The following LRRC8B variants were observed in gnomAD, a reference collection of about 807,000 sequenced individuals.
LRRC8B encodes the protein leucine rich repeat containing 8 VRAC subunit B, also known as volume-regulated anion channel subunit LRRC8B.
A neutral mutation model predicts 58.8 loss-of-function variants in LRRC8B; 23 were observed. That is an observed-to-expected ratio of 0.39 (90% confidence interval 0.28 to 0.55). The LOEUF is 0.55. LRRC8B is among the 20% of genes least tolerant of loss of function. LRRC8B has a pLI of 0.62. For missense variants in LRRC8B, 694 were observed against 936.0 expected (o/e 0.74, Z 3.37); for synonymous variants, 359 against 374.1 (o/e 0.96, Z 0.47).
intron 1 of LRRC8B, among the ~76,000 whole-genome samples, chr1:89,556,373 A>G (rs958416169): frequency 5.3e-5 from 8 of 152,130 alleles, no homozygotes; most frequent in African/African-American, 1.9e-4. Context: ...AAGGTAAGTA[A>G]AGTGTTTTCC....
intron 1 of LRRC8B, among the ~76,000 whole-genome samples, chr1:89,563,310 G>A (rs932418639): frequency 4.0e-5 from 6 of 151,856 alleles, no homozygotes; most frequent in South Asian, 2.1e-4. Flanking sequence ...ATTTTAAGTC[G>A]TGACCCTCTG....
intron 1 of LRRC8B, among the ~76,000 whole-genome samples, chr1:89,546,221 T>C (rs2100869172): frequency 6.6e-6 from 1 of 152,300 alleles, no homozygotes; most frequent in East Asian, 1.9e-4. Flanking sequence ...TGTGAATGTA[T>C]GCTGTGGAGC....
intron 5 of LRRC8B, among the ~76,000 whole-genome samples, chr1:89,591,349 T>C (rs1654961719): frequency 6.6e-6 from 1 of 152,212 alleles, no homozygotes; most frequent in Non-Finnish European, 1.5e-5. Flanking sequence ...CAGAAGGGGT[T>C]GCCTTAGAAA....
intron 1 of LRRC8B, among the ~76,000 whole-genome samples, chr1:89,525,283 G>A (rs1036336211): frequency 6.6e-6 from 1 of 152,180 alleles, no homozygotes; most frequent in African/African-American, 2.4e-5. Flanking sequence ...GGGGTCATTT[G>A]GAGCAAGAGG....
rs1655303961 is a variant in LRRC8B at position 89,596,366 on chromosome 1, G to A, written c.*3323G>A. The A allele has an allele frequency of 6.6e-6, 1 of 152,030 alleles. No homozygotes were observed. Among genetic ancestry groups the A allele is most frequent in the Non-Finnish European group, 1.5e-5 (1 of 67,964 alleles). The allele number at this position is 152,030 out of a possible 1,614,324, so 9.4% of individuals were successfully genotyped here. ...TGTCACTTCACATTGTGTTAAACAG[G>A]GTAAATAGAGATCCTCAGTATCTCA... On this transcript the variant is annotated 3_prime_UTR_variant, in exon 6 of 6. Transcript: ENST00000330947.
chr1:89,555,531 A>G (rs575260627), intron 1 of LRRC8B, among the ~76,000 whole-genome samples: 1 of 152,356 alleles, frequency 6.6e-6, no homozygotes, highest in South Asian at 2.1e-4. Flanking sequence ...ATTGATAAGC[A>G]TGATACATGT....
chr1:89,545,709 G>A (rs1651348139), intron 1 of LRRC8B, among the ~76,000 whole-genome samples: 1 of 152,228 alleles, frequency 6.6e-6, no homozygotes, highest in South Asian at 2.1e-4. Context: ...CAATGACAGT[G>A]AGTGTTCAAC....
chr1:89,568,914 G>A (rs1653230634), intron 3 of LRRC8B, among the ~76,000 whole-genome samples: 1 of 152,132 alleles, frequency 6.6e-6, no homozygotes, highest in African/African-American at 2.4e-5. Flanking sequence ...CTTCTATTAA[G>A]TAAAAGATGG....
At chr1:89,571,251 T>C (rs775732997) in intron 3 of LRRC8B, among the ~76,000 whole-genome samples, 2 of 152,210 alleles carry the variant, frequency 1.3e-5, no homozygotes, top group Non-Finnish European at 2.9e-5. Context: ...CTGTGAAGAA[T>C]TTCAATGGTA....
At chr1:89,570,830 G>A (rs1340838978) in intron 3 of LRRC8B, among the ~76,000 whole-genome samples, 1 of 151,996 alleles carries the variant, frequency 6.6e-6, no homozygotes, top group Non-Finnish European at 1.5e-5. Context: ...TGTCTTCCAG[G>A]GTTTTTATAA....
intron 1 of LRRC8B, among the ~76,000 whole-genome samples, chr1:89,548,823 A>G (rs749365995): frequency 4.2e-4 from 64 of 152,294 alleles, no homozygotes; most frequent in Non-Finnish European, 1.6e-4. Context: ...AGTTTTTCCC[A>G]TGTTAATTCC....
chr1:89,592,640 A>G, intron 5 of LRRC8B, 131 bp from the exon 6 acceptor site: 2 of 748,722 alleles, frequency 2.7e-6, no homozygotes, highest in South Asian at 3.7e-5. Context: ...CAAATTTATC[A>G]TCATTGTAGT....
chr1:89,542,237 C>T (rs953321478), intron 1 of LRRC8B, among the ~76,000 whole-genome samples: 1 of 152,184 alleles, frequency 6.6e-6, no homozygotes, highest in Admixed American at 6.5e-5. Flanking sequence ...AGCTTTTGAG[C>T]TCTCTGGCTC....
At chr1:89,541,697 G>T (rs566731651) in intron 1 of LRRC8B, among the ~76,000 whole-genome samples, 1 of 111,170 alleles carries the variant, frequency 9.0e-6, no homozygotes, top group Non-Finnish European at 1.7e-5. Flanking sequence ...GGCGACAGAG[G>T]GAGACTCCGT....
chr1:89,533,653 A>G (rs2100798004), intron 1 of LRRC8B, among the ~76,000 whole-genome samples: 1 of 152,316 alleles, frequency 6.6e-6, no homozygotes, highest in Non-Finnish European at 1.5e-5. Context: ...CCTAGGCTAG[A>G]GAACAGCTTG....
At chr1:89,535,118 A>G (rs1002380393) in intron 1 of LRRC8B, among the ~76,000 whole-genome samples, 1 of 152,146 alleles carries the variant, frequency 6.6e-6, no homozygotes, top group African/African-American at 2.4e-5. Context: ...GGAAAGAGCC[A>G]GCAGAAGGGC....
chr1:89,551,482 T>C (rs975690887), intron 1 of LRRC8B, among the ~76,000 whole-genome samples: 1 of 152,240 alleles, frequency 6.6e-6, no homozygotes, highest in Admixed American at 6.5e-5. Context: ...CCTTCATTTT[T>C]TTCCTGTTCA....
At position 89,556,733 on chromosome 1, in the gene LRRC8B, C is replaced by A. The variant is rs550592336; in HGVS notation, c.-240-11514C>A. On this transcript the variant is annotated intron_variant, in intron 1 of 5. Transcript: ENST00000330947. ...AAATGGCAACCAGTGATTTTGACTA[C>A]CAGCAGCCATTAACCAAGTTACAAA... 2.0e-5 allele frequency among the ~76,000 whole-genome samples: 3 copies of A among 152,284 alleles called. No individual in the cohort carries two copies. The South Asian group carries it at 6.2e-4, about 32-fold the overall frequency.
At chr1:89,580,434 G>A (rs1201538068) in intron 4 of LRRC8B, among the ~76,000 whole-genome samples, 1 of 152,176 alleles carries the variant, frequency 6.6e-6, no homozygotes, top group Non-Finnish European at 1.5e-5. Flanking sequence ...CTGAAAGTAT[G>A]CATACATGTC....
Sources: allele counts gnomAD v4.1 joint callset (sites outside exome capture counted in the v4.1 genomes callset), GRCh38; gene constraint gnomAD v4.1.1; transcripts MANE v1.5; gene names NCBI Gene and HGNC (gene_info 2026-07-23, HGNC 2026-07-21).